MYO9B: variants seen among roughly 807,000 people sequenced by gnomAD.
The protein encoded by MYO9B is unconventional myosin-IXb.
In MYO9B, 71 loss-of-function variants were observed where a neutral mutation model predicts 229.5. The ratio of observed to expected loss-of-function variants is 0.31; its 90% CI spans 0.26 to 0.38. MYO9B has a LOEUF of 0.38. Among genes scored for constraint, MYO9B ranks in the 10% least tolerant of loss-of-function variants. MYO9B has a pLI of 1.00. For missense variants in MYO9B, 2,255 were observed against 2,920.5 expected (o/e 0.77, Z 5.25); for synonymous variants, 1,185 against 1,235.8 (o/e 0.96, Z 0.86).
chr19:17,181,113 C>A, intron 15 of MYO9B, 73 bp downstream of exon 15: 2 of 1,067,506 alleles, frequency 1.9e-6, no homozygotes, highest in South Asian at 1.5e-5. Flanking sequence ...CCCGGCGGGG[C>A]CTGCAGTCTT....
chr19:17,144,940 A>G (rs1289165862), intron 2 of MYO9B, among the ~76,000 whole-genome samples: 3 of 149,586 alleles, frequency 2.0e-5, no homozygotes, highest in Non-Finnish European at 3.0e-5. Context: ...CCTGCACTCC[A>G]GCCAAGGCAA....
Position 17,075,874 on chromosome 19 carries a change from G to C in MYO9B, c.-59G>C, listed in dbSNP as rs1485749613. 2 of 151,306 alleles carry C rather than the reference G, an allele frequency of 1.3e-5. No homozygotes were observed. 9.4% of individuals were successfully genotyped at this position (151,306 alleles called of 1,614,324 possible). A position where few individuals can be genotyped will look rare whatever the true frequency, so the allele number is the denominator to read the frequency against. ...CGGCGGCGCGCGGCGGCCGAGGCCA[G>C]GTGAGTACCAGGCAGCCTCGGGTTG... On this transcript the variant is annotated splice_region_variant and 5_prime_UTR_variant, in exon 1 of 40. Transcript: ENST00000682292.
chr19:17,176,481 C>A (rs2072791247), intron 14 of MYO9B, among the ~76,000 whole-genome samples: 1 of 152,168 alleles, frequency 6.6e-6, no homozygotes, highest in African/African-American at 2.4e-5. Flanking sequence ...ACATTCTAAA[C>A]CCAGGTCGAG....
chr19:17,109,032 T>TTA (rs1475587039), intron 2 of MYO9B, among the ~76,000 whole-genome samples: 6 of 136,618 alleles, frequency 4.4e-5, no homozygotes, highest in African/African-American at 1.7e-4. Flanking sequence ...TTTTTTTTAA[T>TTA]TTTATTTATT....
chr19:17,157,149 C>A, intron 7 of MYO9B, 111 bp downstream of exon 7: 1 of 1,320,224 alleles, frequency 7.6e-7, no homozygotes, highest in Non-Finnish European at 1.0e-6. Context: ...GTTTCATCAA[C>A]CAGGACCTCA....
At chr19:17,104,608 A>G (rs1037839622) in intron 2 of MYO9B, among the ~76,000 whole-genome samples, 9 of 151,822 alleles carry the variant, frequency 5.9e-5, no homozygotes, top group Admixed American at 1.3e-4. Context: ...TATTTTTTGT[A>G]GAGATGGGGG....
chr19:17,135,267 GAA>G lies in MYO9B; in HGVS notation c.841-10122_841-10121del, dbSNP rs36012888. Among the ~76,000 whole-genome samples the G allele has an allele frequency of 5.7e-4, 86 of 151,350 alleles. No homozygotes were observed. The South Asian group carries it at 0.011, about 20-fold the overall frequency. On this transcript the variant is annotated intron_variant, in intron 2 of 39. Transcript: ENST00000682292. ...GAAACATGTTTTTTATATTATAAAA[GAA>G]AAAAAAATGTGTTTCTGTTAAAGGA...
chr19:17,097,187 G>T (rs927323022), intron 1 of MYO9B, among the ~76,000 whole-genome samples: 3 of 151,856 alleles, frequency 2.0e-5, no homozygotes, highest in Non-Finnish European at 2.9e-5. Flanking sequence ...CGGGCATGGT[G>T]GTGGGCCCCT....
At chr19:17,189,990 G>A (rs568088460) in intron 19 of MYO9B, among the ~76,000 whole-genome samples, 63 of 150,988 alleles carry the variant, frequency 4.2e-4, no homozygotes, top group African/African-American at 1.3e-3. Context: ...GTGTGAACCC[G>A]GGAGGAGGAG....
chr19:17,197,953 C>G, intron 23 of MYO9B, 95 bp downstream of exon 23: 2 of 1,501,134 alleles, frequency 1.3e-6, no homozygotes, highest in Non-Finnish European at 1.8e-6. Context: ...ACTCAGGAGG[C>G]TGAGGCGAGA....
At chr19:17,155,512 T>G (rs1252932515) in intron 6 of MYO9B, among the ~76,000 whole-genome samples, 1 of 152,120 alleles carries the variant, frequency 6.6e-6, no homozygotes, top group East Asian at 1.9e-4. Context: ...GCATGGTGGC[T>G]CATGCCTGTT....
chr19:17,089,163 C>CT (rs1387948918), intron 1 of MYO9B, among the ~76,000 whole-genome samples: 1 of 152,072 alleles, frequency 6.6e-6, no homozygotes, highest in Non-Finnish European at 1.5e-5. Flanking sequence ...ACAAAGGTCT[C>CT]TAAGTCGTCC....
intron 2 of MYO9B, 53 bp from the exon 3 acceptor site, chr19:17,145,343 AG>A: frequency 1.3e-6 from 2 of 1,486,104 alleles, no homozygotes; most frequent in Non-Finnish European, 1.9e-6. Context: ...AGGAAAAAAA[AG>A]AAAAAGAAAT....
intron 2 of MYO9B, among the ~76,000 whole-genome samples, chr19:17,136,281 G>T (rs1334330500): frequency 1.3e-5 from 2 of 152,192 alleles, no homozygotes; most frequent in African/African-American, 2.4e-5. Flanking sequence ...GTGAGCTCCA[G>T]ACTATGGCCC....
rs186576682 is a variant in MYO9B, at chr19:17,124,965, A to G, written c.841-20432A>G. Among the ~76,000 whole-genome samples the G allele has an allele frequency of 3.0e-3, 457 of 152,124 alleles. 2 individuals are homozygous for G. Among genetic ancestry groups the G allele is most frequent in the Non-Finnish European group, 2.7e-3 (181 of 68,008 alleles). The stretch of plus-strand genomic sequence containing the variant: ...ATGTCCTATCTCAAGCTGAGAAAAA[A>G]GAACAAAGTAACCCCCAAAGAGAAT... On this transcript the variant is annotated intron_variant, in intron 2 of 39. Coordinates refer to ENST00000682292, the MANE Select transcript of MYO9B (RefSeq NM_004145.4).
At chr19:17,105,199 A>G (rs1310345871) in intron 2 of MYO9B, among the ~76,000 whole-genome samples, 2 of 151,282 alleles carry the variant, frequency 1.3e-5, no homozygotes, top group Non-Finnish European at 2.9e-5. Flanking sequence ...AGGTTCCTGC[A>G]TGTCAGTTGG....
At chr19:17,174,366 A>C (rs557406548) in intron 13 of MYO9B, among the ~76,000 whole-genome samples, 2 of 152,142 alleles carry the variant, frequency 1.3e-5, no homozygotes, top group East Asian at 3.9e-4. Context: ...TGCCAGGTGC[A>C]GTGGCTCAAG....
chr19:17,105,157 A>C (rs1490501445), intron 2 of MYO9B, among the ~76,000 whole-genome samples: 1 of 151,454 alleles, frequency 6.6e-6, no homozygotes, highest in African/African-American at 2.4e-5. Flanking sequence ...GGCTTTTCAG[A>C]CTGGCTTCTT....
intron 3 of MYO9B, among the ~76,000 whole-genome samples, chr19:17,152,207 A>G (rs1323214644): frequency 6.7e-6 from 1 of 149,626 alleles, no homozygotes; most frequent in African/African-American, 2.5e-5. Flanking sequence ...AAAAACCCAC[A>G]AGGACATACC....
Sources: allele counts gnomAD v4.1 joint callset (sites outside exome capture counted in the v4.1 genomes callset), GRCh38; gene constraint gnomAD v4.1.1; transcripts MANE v1.5; gene names NCBI Gene and HGNC (gene_info 2026-07-23, HGNC 2026-07-21).